Variants in NADK observed in about 807,000 individuals in gnomAD.
NADK encodes NAD kinase.
A neutral mutation model predicts 49.8 loss-of-function variants in NADK; 22 were observed. The ratio of observed to expected loss-of-function variants is 0.44; its 90% CI spans 0.32 to 0.63. The LOEUF (loss-of-function observed/expected upper bound fraction) is 0.63. Among genes scored for constraint, NADK ranks in the 30% least tolerant of loss-of-function variants. NADK has a pLI of 0.06. For synonymous variants in NADK, 268 were observed against 253.7 expected (o/e 1.06, Z -0.54); for missense variants, 438 against 609.4 (o/e 0.72, Z 2.96).
intron 3 of NADK, among the ~76,000 whole-genome samples, chr1:1,760,374 C>T (rs1016198199): frequency 4.6e-5 from 7 of 152,184 alleles, no homozygotes; most frequent in African/African-American, 9.7e-5. Flanking sequence ...CTGCCTGGGA[C>T]GCACGCTGCC....
At chr1:1,776,159 T>G (rs949864339) in intron 1 of NADK, among the ~76,000 whole-genome samples, 1 of 152,120 alleles carries the variant, frequency 6.6e-6, no homozygotes, top group Non-Finnish European at 1.5e-5. Flanking sequence ...CTCTTAATTT[T>G]CCAAGTGAGA....
chr1:1,779,939 C>G (rs1263576826), upstream of NADK: 1 of 152,302 alleles, frequency 6.6e-6, no homozygotes, highest in African/African-American at 2.4e-5. Context: ...GACTTGAATC[C>G]AGAGACACGG....
intron 1 of NADK, among the ~76,000 whole-genome samples, chr1:1,767,662 G>C (rs761379881): frequency 6.6e-6 from 1 of 152,148 alleles, no homozygotes; most frequent in Non-Finnish European, 1.5e-5. Context: ...GACTGAATGT[G>C]TCCTCCCCAA....
At chr1:1,766,619 G>C (rs145275132) in intron 1 of NADK, among the ~76,000 whole-genome samples, 2 of 151,540 alleles carry the variant, frequency 1.3e-5, no homozygotes, top group Non-Finnish European at 2.9e-5. Context: ...TTACCAAACT[G>C]ACCAATATTA....
At chr1:1,755,342 G>T (rs1429449676) in intron 7 of NADK, 32 bp downstream of exon 7, 1 of 1,497,332 alleles carries the variant, frequency 6.7e-7, no homozygotes. Flanking sequence ...CATGATCAGA[G>T]CTCCTGTGGG....
chr1:1,757,591 C>T (rs1645571962), intron 3 of NADK, among the ~76,000 whole-genome samples: 1 of 152,098 alleles, frequency 6.6e-6, no homozygotes, highest in Non-Finnish European at 1.5e-5. Flanking sequence ...CAAGTGCACG[C>T]ACCACAGCCC....
In NADK at chr1:1,771,461, G is replaced by A. The variant is rs184957218; in HGVS notation, c.-40-6015C>T. On this transcript the variant is annotated intron_variant, in intron 1 of 11. Transcript: ENST00000341426. ...AAAAACTTTGAACAAGAACAAACGC[G>A]AAGGGCTAAGTTCATGACTTGTTGA... Among the ~76,000 whole-genome samples the A allele has an allele frequency of 1.1e-3, 163 of 152,272 alleles. 1 individual carries two copies. Among genetic ancestry groups the A allele is most frequent in the African/African-American group, 3.6e-3 (150 of 41,548 alleles).
chr1:1,758,400 C>T (rs1054511881), intron 3 of NADK: 41 of 1,611,508 alleles, frequency 2.5e-5, no homozygotes, highest in Non-Finnish European at 3.1e-5. Context: ...TGGGGTCACT[C>T]ATGCCATCCC....
chr1:1,761,273 G>C (rs1381926777), intron 3 of NADK, among the ~76,000 whole-genome samples: 1 of 152,312 alleles, frequency 6.6e-6, no homozygotes, highest in Non-Finnish European at 1.5e-5. Flanking sequence ...TTACAGGTGT[G>C]AGCCACCGCA....
intron 2 of NADK, among the ~76,000 whole-genome samples, chr1:1,764,087 G>A (rs570531076): frequency 6.6e-6 from 1 of 152,296 alleles, no homozygotes; most frequent in African/African-American, 2.4e-5. Context: ...TCCTGGCTCA[G>A]GCAGCGACTC....
rs188270132 is a variant in NADK at position 1,771,518 on chromosome 1, T to G, written c.-40-6072A>C. ...ACGGGAACCAGACAGCGTGGCAGCATCAAGACGGACATACACATCAAGGAA... is the reference window on the plus strand; with the variant it reads ...ACGGGAACCAGACAGCGTGGCAGCAGCAAGACGGACATACACATCAAGGAA... On this transcript the variant is annotated intron_variant, in intron 1 of 11. Coordinates refer to ENST00000341426, the MANE Select transcript of NADK (RefSeq NM_023018.5). Among the ~76,000 whole-genome samples the G allele has an allele frequency of 3.3e-5, 5 of 152,212 alleles. No individual in the cohort carries two copies. The East Asian group carries it at 9.6e-4, about 29-fold the overall frequency.
In NADK at chr1:1,754,526, C is replaced by T. The variant is rs374072837; in HGVS notation, c.843+18G>A. ...CCCACCCTGGGCCCCTCACCGAGGC[C>T]GAGGCGCCTCCACTCACCTGGTACT... is the stretch of plus-strand genomic sequence containing the variant. On this transcript the variant is annotated intron_variant, in intron 8 of 11. Transcript: ENST00000341426. The surrounding 1 kb of genome is among the most constrained non-coding windows in gnomAD (Gnocchi z 4.3). 131 of 1,601,732 alleles carry T rather than the reference C, an allele frequency of 8.2e-5. No individual in the cohort carries two copies. The African/African-American group carries it at 1.4e-3, about 17-fold the overall frequency.
chr1:1,759,583 G>C, intron 3 of NADK: 2 of 962,808 alleles, frequency 2.1e-6, no homozygotes, highest in Non-Finnish European at 3.0e-6. Context: ...AGGGAAGACG[G>C]AAGTTCAGAT....
At chr1:1,776,553 A>C (rs1646215131) in intron 1 of NADK, among the ~76,000 whole-genome samples, 1 of 152,164 alleles carries the variant, frequency 6.6e-6, no homozygotes. Flanking sequence ...AGGTGGGCTG[A>C]TCACGAGGTC....
chr1:1,779,460 G>A (rs999527596), upstream of NADK, among the ~76,000 whole-genome samples: 4 of 152,140 alleles, frequency 2.6e-5, no homozygotes, highest in Admixed American at 2.6e-4. Flanking sequence ...GCTCTAACCT[G>A]CTGGTCCCCC....
chr1:1,761,768 T>G, intron 3 of NADK, 184 bp downstream of exon 3: 1 of 563,370 alleles, frequency 1.8e-6, no homozygotes, highest in East Asian at 2.9e-5. Flanking sequence ...CATGTGGCTT[T>G]TTGTTTAAAT....
chr1:1,758,199 A>G (rs751049495), intron 3 of NADK, among the ~76,000 whole-genome samples: 3 of 152,172 alleles, frequency 2.0e-5, no homozygotes, highest in Non-Finnish European at 2.9e-5. Context: ...AAGTTGCCCA[A>G]TCGAGAAAGC....
At position 1,754,625 on chromosome 1, in the gene NADK, G is replaced by C. The variant is rs149217477; in HGVS notation, c.762C>G (p.Ala254=). ...VVKELRGKKT[A]VHNGLGENGS... ...CGTTCTCACCCAGCCCATTGTGCAC[G>C]GCCGTCTTCTTCCCCCGGAGCTCCT... is the stretch of plus-strand genomic sequence containing the variant. The change falls in exon 8 of 12, where the codon GCC becomes GCG. Residue 254 remains alanine, a synonymous_variant. Coordinates refer to ENST00000341426, the MANE Select transcript of NADK (RefSeq NM_023018.5). This position sits in a 1 kb window ranked among gnomAD's most constrained non-coding sequence, Gnocchi z 4.3. 1 of 1,613,774 alleles carries C rather than the reference G, an allele frequency of 6.2e-7. No homozygotes were observed. Among genetic ancestry groups the C allele is most frequent in the Admixed American group, 1.7e-5 (1 of 59,980 alleles).
rs1224724841 is a variant in NADK at position 1,778,365 on chromosome 1, C to T, written c.-117G>A. ...GCAGGCCCCGCCGCCGCGCCGCCGC[C>T]AGCCGTCGCTACCTGGCCCTTGGCG... On this transcript the variant is annotated 5_prime_UTR_variant, in exon 1 of 12. Coordinates refer to ENST00000341426, the MANE Select transcript of NADK (RefSeq NM_023018.5). This position sits in a 1 kb window ranked among gnomAD's most constrained non-coding sequence, Gnocchi z 4.9. 1.3e-5 allele frequency: 2 copies of T among 150,700 alleles called. No homozygotes were observed. The highest frequency in any genetic ancestry group is 4.9e-5 in the African/African-American group (2 of 41,194). The allele number at this position is 150,700 out of a possible 1,614,324, so 9.3% of individuals were successfully genotyped here. A position where few individuals can be genotyped will look rare whatever the true frequency, so the allele number is the denominator to read the frequency against.
Sources: gnomAD v4.1 joint callset for allele counts (sites outside exome capture counted in the v4.1 genomes callset) on GRCh38, gnomAD v4.1.1 for gene constraint, Gnocchi (gnomAD v3.1) non-coding constraint, MANE v1.5 for transcripts, NCBI Gene and HGNC (gene_info 2026-07-23, HGNC 2026-07-21) for gene names.